Variants in MRAP2 observed in about 807,000 individuals in gnomAD.
MRAP2 encodes melanocortin 2 receptor accessory protein 2.
Under a neutral mutation model 17.4 loss-of-function variants are expected in MRAP2, and 20 were observed. That is an observed-to-expected ratio of 1.15 (90% CI 0.81 to 1.67). The LOEUF is 1.67. Among genes scored for constraint, MRAP2 ranks in the 40% most tolerant of loss-of-function variants. The pLI is 0.00. For missense variants in MRAP2, 238 were observed against 240.0 expected (o/e 0.99, Z 0.05); for synonymous variants, 96 against 88.4 (o/e 1.09, Z -0.48).
intron 1 of MRAP2, among the ~76,000 whole-genome samples, chr6:84,050,101 C>T (rs892728126): frequency 1.3e-5 from 2 of 152,030 alleles, no homozygotes; most frequent in African/African-American, 4.8e-5. Flanking sequence ...GAGAAGACTA[C>T]AAAGTCCTGG....
intron 1 of MRAP2, among the ~76,000 whole-genome samples, chr6:84,047,183 TTTAATTAA>T (rs376973971): frequency 2.6e-5 from 4 of 151,926 alleles, no homozygotes; most frequent in Non-Finnish European, 5.9e-5. Context: ...ATTTGTATTA[TTTAATTAA>T]TTAATTAATT....
In MRAP2 at chr6:84,090,390, A is replaced by G. The variant is rs2099501556; in HGVS notation, c.*909A>G. On this transcript the variant is annotated 3_prime_UTR_variant, in exon 4 of 4. Transcript: ENST00000257776. ...GAAACAGCTCTTCTGAGAACTTCCA[A>G]CCACCCATGCTCTAACCTGGAGACA... The G allele has an allele frequency of 6.6e-6, 1 of 152,032 alleles. No individual in the cohort carries two copies. The highest frequency in any genetic ancestry group is 1.5e-5 in the Non-Finnish European group (1 of 68,056). The allele number at this position is 152,032 out of a possible 1,614,324, so 9.4% of individuals were successfully genotyped here. A position where few individuals can be genotyped will look rare whatever the true frequency, so the allele number is the denominator to read the frequency against.
intron 3 of MRAP2, among the ~76,000 whole-genome samples, chr6:84,073,576 G>T (rs1431025834): frequency 6.6e-6 from 1 of 152,186 alleles, no homozygotes; most frequent in Non-Finnish European, 1.5e-5. Flanking sequence ...ATCCAAGTTG[G>T]AGTTGCAATC....
chr6:84,111,865 G>A, the MRAP2 span, among the ~76,000 whole-genome samples: 1 of 152,196 alleles, frequency 6.6e-6, no homozygotes, highest in Non-Finnish European at 1.5e-5. Flanking sequence ...AGATAATCAT[G>A]TGGTTTTTGT....
At chr6:84,135,895 G>GTATC in the MRAP2 span, among the ~76,000 whole-genome samples, 1 of 152,188 alleles carries the variant, frequency 6.6e-6, no homozygotes, top group Non-Finnish European at 1.5e-5. Context: ...CTGGTACACT[G>GTATC]TATCTGTGTA....
At chr6:84,037,928 C>G (rs11966796) in intron 1 of MRAP2, among the ~76,000 whole-genome samples, 2,433 of 152,310 alleles carry the variant, frequency 0.016, 66 homozygotes, top group African/African-American at 0.054. Flanking sequence ...CAAGCATGGC[C>G]GGAGCAGACA....
At chr6:84,033,611 T>G, upstream of MRAP2, 1 of 903,942 alleles carries the variant, frequency 1.1e-6, no homozygotes, top group African/African-American at 1.8e-5. Context: ...GAAAGGGATC[T>G]GCAAAGCTCA....
chr6:84,114,107 G>A, the MRAP2 span, among the ~76,000 whole-genome samples: 3 of 152,180 alleles, frequency 2.0e-5, no homozygotes, highest in South Asian at 6.2e-4. Flanking sequence ...TGTATTTCCT[G>A]AATTTGAATG....
downstream of MRAP2, among the ~76,000 whole-genome samples, chr6:84,093,251 G>C (rs2099502079): frequency 6.9e-6 from 1 of 145,540 alleles, no homozygotes; most frequent in South Asian, 2.1e-4. Context: ...GAAAGAGAGA[G>C]AATAGGGCAA....
chr6:84,129,376 C>A, the MRAP2 span, among the ~76,000 whole-genome samples: 1,168 of 152,272 alleles, frequency 7.7e-3, 5 homozygotes, highest in Non-Finnish European at 0.012. Flanking sequence ...TTAATGATCG[C>A]CATTCTAACT....
At chr6:84,060,148 A>G (rs1441746881) in intron 2 of MRAP2, among the ~76,000 whole-genome samples, 1 of 152,218 alleles carries the variant, frequency 6.6e-6, no homozygotes, top group Non-Finnish European at 1.5e-5. Flanking sequence ...GCATATTGCC[A>G]TGAAAAACAT....
chr6:84,071,600 G>A (rs2099496201), intron 3 of MRAP2, among the ~76,000 whole-genome samples: 1 of 152,124 alleles, frequency 6.6e-6, no homozygotes, highest in South Asian at 2.1e-4. Flanking sequence ...GGTGTTCTTT[G>A]TGCTTCTTGT....
chr6:84,082,360 G>A (rs1403946262), intron 3 of MRAP2, among the ~76,000 whole-genome samples: 2 of 152,094 alleles, frequency 1.3e-5, no homozygotes, highest in African/African-American at 2.4e-5. Context: ...TCAATCTTTA[G>A]CAAAGGCTTA....
At chr6:84,051,147 G>A (rs1160906038) in intron 1 of MRAP2, among the ~76,000 whole-genome samples, 3 of 152,192 alleles carry the variant, frequency 2.0e-5, no homozygotes, top group African/African-American at 4.8e-5. Flanking sequence ...GCATACCATC[G>A]TAATCCACCA....
At chr6:84,140,687 G>A in the MRAP2 span, among the ~76,000 whole-genome samples, 1 of 151,962 alleles carries the variant, frequency 6.6e-6, no homozygotes, top group African/African-American at 2.4e-5. Flanking sequence ...TACTGCACAG[G>A]CTAATTTTTG....
At chr6:84,128,905 T>C in the MRAP2 span, among the ~76,000 whole-genome samples, 3 of 148,598 alleles carry the variant, frequency 2.0e-5, no homozygotes, top group African/African-American at 4.9e-5. Context: ...TGTGTTCTCA[T>C]TGTTCAACTT....
intron 1 of MRAP2, among the ~76,000 whole-genome samples, chr6:84,041,979 GAT>G (rs1461451562): frequency 6.6e-6 from 1 of 152,146 alleles, no homozygotes; most frequent in Non-Finnish European, 1.5e-5. Flanking sequence ...AGAGTGTAAT[GAT>G]ATGGTTAGGT....
chr6:84,035,813 C>T (rs1196255351), intron 1 of MRAP2, among the ~76,000 whole-genome samples: 1 of 152,118 alleles, frequency 6.6e-6, no homozygotes, highest in Non-Finnish European at 1.5e-5. Context: ...TCTGTTGGCC[C>T]CCAGATGCTG....
chr6:84,129,224 G>A, the MRAP2 span, among the ~76,000 whole-genome samples: 2 of 152,128 alleles, frequency 1.3e-5, no homozygotes, highest in African/African-American at 2.4e-5. Flanking sequence ...GGATGGCTGG[G>A]TCAAATGGTA....
Sources: gnomAD v4.1 joint callset for allele counts (sites outside exome capture counted in the v4.1 genomes callset) on GRCh38, gnomAD v4.1.1 for gene constraint, MANE v1.5 for transcripts, NCBI Gene and HGNC (gene_info 2026-07-23, HGNC 2026-07-21) for gene names.